Variants in LRTM1 observed in about 807,000 individuals in gnomAD.
The protein encoded by LRTM1 is leucine rich repeat transmembrane protein 1.
A neutral mutation model predicts 32.4 loss-of-function variants in LRTM1; 38 were observed. The observed-to-expected ratio is 1.17, with a 90% CI of 0.91 to 1.54. LRTM1 has a LOEUF of 1.54. Ranked by LOEUF, LRTM1 falls within the 40% of genes most tolerant of loss-of-function variation. The probability of loss-of-function intolerance (pLI) is 0.00; values close to 1 mark genes in which losing one functional copy is unlikely to be tolerated. For missense variants in LRTM1, 466 were observed against 415.4 expected (o/e 1.12, Z -1.06); for synonymous variants, 186 against 169.9 (o/e 1.09, Z -0.74).
intron 1 of LRTM1, among the ~76,000 whole-genome samples, chr3:54,934,625 G>A (rs746272848): frequency 3.3e-5 from 5 of 152,136 alleles, no homozygotes; most frequent in East Asian, 1.9e-4. Context: ...CAGCATCCAC[G>A]TGTCCACAGA....
chr3:54,944,816 T>G lies in LRTM1; in HGVS notation c.-221-19601A>C, dbSNP rs566217217. ...TATTGACTGTAGTTAGAGCTGGGGG[T>G]GTGTGTGTGTGTGTGTGTGTGTGTG... On this transcript the variant is annotated intron_variant, in intron 1 of 2. Coordinates refer to the LRTM1 transcript ENST00000493075. 8.7e-3 allele frequency among the ~76,000 whole-genome samples: 818 copies of G among 93,882 alleles called. 3 individuals are homozygous for G. Among genetic ancestry groups the G allele is most frequent in the African/African-American group, 0.018 (258 of 14,034 alleles). The allele number at this position is 93,882 out of a possible 152,430, so 61.6% of individuals were successfully genotyped here.
chr3:54,919,037 A>T, intron 2 of LRTM1, 145 bp from the exon 3 acceptor site: 1 of 661,680 alleles, frequency 1.5e-6, no homozygotes, highest in Non-Finnish European at 2.3e-6. Flanking sequence ...TTTAACAACC[A>T]TATTTTATGA....
chr3:54,944,170 A>G (rs1701549765), intron 1 of LRTM1, among the ~76,000 whole-genome samples: 1 of 151,778 alleles, frequency 6.6e-6, no homozygotes, highest in Admixed American at 6.6e-5. Context: ...AGCTTTCTGC[A>G]TGTTCATTAT....
intron 1 of LRTM1, among the ~76,000 whole-genome samples, chr3:54,948,745 G>A (rs1034134218): frequency 1.5e-4 from 23 of 152,272 alleles, no homozygotes; most frequent in African/African-American, 5.1e-4. Context: ...CTGCATGGAG[G>A]TGCTTATGTG....
chr3:54,946,062 CATAAATAG>C (rs1701606818), intron 1 of LRTM1, among the ~76,000 whole-genome samples: 2 of 152,290 alleles, frequency 1.3e-5, no homozygotes, highest in African/African-American at 4.8e-5. Context: ...TCTAAGATGC[CATAAATAG>C]AAGTGGAAGC....
Position 54,918,545 on chromosome 3 carries a change from C to T in LRTM1, c.952G>A (p.Ala318Thr). ...GCCAAGGGTCCCCCATGGTACTGGG[C>T]TGTGATTGCCGCATAGGTGCAGCCA... ...IYGCTYAAITAQYHGGPLAQT... is the reference protein window; with the variant it reads ...IYGCTYAAITTQYHGGPLAQT... The change falls in exon 3 of 3, where the codon GCC (alanine) becomes ACC (threonine). Residue 318 changes from alanine to threonine, a missense_variant. Transcript: ENST00000273286. 6.2e-7 allele frequency: 1 copy of T among 1,614,040 alleles called. No individual in the cohort carries two copies. Among genetic ancestry groups the T allele is most frequent in the Non-Finnish European group, 8.5e-7 (1 of 1,179,990 alleles).
chr3:54,957,133 T>G (rs79335053), intron 1 of LRTM1, among the ~76,000 whole-genome samples: 7 of 151,748 alleles, frequency 4.6e-5, no homozygotes, highest in East Asian at 2.0e-4. Context: ...CTATGTGATA[T>G]AATTCCTATG....
intron 1 of LRTM1, among the ~76,000 whole-genome samples, chr3:54,945,856 G>T (rs146360286): frequency 4.6e-5 from 7 of 152,306 alleles, no homozygotes; most frequent in African/African-American, 1.7e-4. Context: ...AGTGGGCAAT[G>T]CAGCAAAGCT....
intron 2 of LRTM1, among the ~76,000 whole-genome samples, chr3:54,922,187 A>G (rs1416802459): frequency 2.6e-5 from 4 of 152,116 alleles, no homozygotes; most frequent in African/African-American, 9.7e-5. Flanking sequence ...ACTTAAAACT[A>G]TCAGTTTCCC....
At chr3:54,929,091 GC>G (rs1701113373), upstream of LRTM1, among the ~76,000 whole-genome samples, 2 of 152,162 alleles carry the variant, frequency 1.3e-5, no homozygotes. Flanking sequence ...GTATAATTGA[GC>G]CATTGGGTTT....
chr3:54,928,519 G>A (rs1006856300), upstream of LRTM1, among the ~76,000 whole-genome samples: 7 of 152,116 alleles, frequency 4.6e-5, no homozygotes, highest in Non-Finnish European at 4.4e-5. Flanking sequence ...GGTTTGCACC[G>A]TGCACTTCTT....
intron 1 of LRTM1, chr3:54,966,885 TATA>T (rs1393894279): frequency 6.6e-6 from 1 of 152,232 alleles, no homozygotes; most frequent in Non-Finnish European, 1.5e-5. Flanking sequence ...AACTGCTGAC[TATA>T]ATATCACTTG....
At chr3:54,919,074 A>G (rs1471124243) in intron 2 of LRTM1, among the ~76,000 whole-genome samples, 182 bp from the exon 3 acceptor site, 4 of 152,132 alleles carry the variant, frequency 2.6e-5, no homozygotes, top group Non-Finnish European at 5.9e-5. Flanking sequence ...TTGGCTAAAT[A>G]CTAAAAATGC....
At chr3:54,929,221 G>A (rs949289960), upstream of LRTM1, among the ~76,000 whole-genome samples, 5 of 152,168 alleles carry the variant, frequency 3.3e-5, no homozygotes, top group African/African-American at 1.2e-4. Flanking sequence ...GACAACATTA[G>A]CCCTTACTTT....
chr3:54,926,152 A>T (rs1701008904), intron 1 of LRTM1, among the ~76,000 whole-genome samples: 1 of 152,168 alleles, frequency 6.6e-6, no homozygotes, highest in Non-Finnish European at 1.5e-5. Flanking sequence ...GTATCCCTCC[A>T]GACATTTTAA....
At chr3:54,947,142 C>G (rs1022335894) in intron 1 of LRTM1, among the ~76,000 whole-genome samples, 4 of 152,154 alleles carry the variant, frequency 2.6e-5, no homozygotes, top group Non-Finnish European at 5.9e-5. Context: ...TGTGCTTGAT[C>G]CAGTTTTCAT....
intron 1 of LRTM1, among the ~76,000 whole-genome samples, chr3:54,927,249 T>C (rs1260963983): frequency 6.6e-6 from 1 of 152,188 alleles, no homozygotes; most frequent in East Asian, 1.9e-4. Context: ...TCTAGGGCAA[T>C]AGGGAAGATG....
At chr3:54,928,133 A>G (rs1701080462), upstream of LRTM1, 8 of 551,172 alleles carry the variant, frequency 1.5e-5, no homozygotes, top group Admixed American at 3.2e-5. Context: ...ATCAGTTTCC[A>G]TAAGAGGATC....
intron 1 of LRTM1, among the ~76,000 whole-genome samples, chr3:54,961,681 A>C (rs983440891): frequency 6.6e-6 from 1 of 152,146 alleles, no homozygotes; most frequent in Non-Finnish European, 1.5e-5. Context: ...CAGGAAGCTG[A>C]TGGCACCAGT....
Sources: allele counts gnomAD v4.1 joint callset (sites outside exome capture counted in the v4.1 genomes callset), GRCh38; gene constraint gnomAD v4.1.1; transcripts MANE v1.5; gene names NCBI Gene and HGNC (gene_info 2026-07-23, HGNC 2026-07-21).